Variants in PRDM1 observed in about 807,000 individuals in gnomAD.
PRDM1 encodes the protein PR/SET domain 1.
Under a neutral mutation model 62.8 loss-of-function variants are expected in PRDM1, and 13 were observed. That is an observed-to-expected ratio of 0.21 (90% CI 0.13 to 0.33). The LOEUF (loss-of-function observed/expected upper bound fraction) is 0.33. PRDM1 is among the 10% of genes least tolerant of loss of function. The pLI is 1.00. For missense variants in PRDM1, 895 were observed against 1,058.8 expected, an observed-to-expected ratio of 0.85 and a Z score of 2.15; for synonymous variants, 396 against 417.6, an observed-to-expected ratio of 0.95 and a Z score of 0.63.
At chr6:106,054,249 T>C (rs1773228827) in intron 1 of PRDM1, among the ~76,000 whole-genome samples, 1 of 150,374 alleles carries the variant, frequency 6.7e-6, no homozygotes, top group Admixed American at 6.6e-5. Context: ...AACTCAGGTA[T>C]TTTACAAAAT....
chr6:106,032,011 G>A (rs1772850337), intron 1 of PRDM1, among the ~76,000 whole-genome samples: 3 of 152,120 alleles, frequency 2.0e-5, no homozygotes, highest in Non-Finnish European at 2.9e-5. Context: ...TCTGCAATTA[G>A]TATATGTTGT....
chr6:106,028,373 A>G (rs899910731), intron 1 of PRDM1, among the ~76,000 whole-genome samples: 8 of 152,232 alleles, frequency 5.3e-5, no homozygotes, highest in African/African-American at 1.9e-4. Context: ...AGGTAATGCA[A>G]CTAAGAATTA....
chr6:106,086,544 C>G lies in PRDM1; in HGVS notation c.-10C>G, dbSNP rs17486714. 0.013 allele frequency: 20,476 copies of G among 1,551,168 alleles called. 195 individuals carry two copies. Among genetic ancestry groups the G allele is most frequent in the Non-Finnish European group, 0.016 (18,551 of 1,146,104 alleles). On this transcript the variant is annotated 5_prime_UTR_variant, in exon 1 of 7. Coordinates refer to ENST00000369096, the MANE Select transcript of PRDM1 (RefSeq NM_001198.4). The stretch of plus-strand genomic sequence containing the variant: ...GTGGACTGGGTAGAGATGAACGAGA[C>G]TTTTCTCAGATGTTGGATATTTGCT...
chr6:106,086,585 G>T lies in PRDM1; in HGVS notation c.32G>T (p.Gly11Val). 1 of 1,551,738 alleles carries T rather than the reference G, an allele frequency of 6.4e-7. No homozygotes were observed. The highest frequency in any genetic ancestry group is 8.7e-7 in the Non-Finnish European group (1 of 1,146,546). ...GATATTTGCTTGGAAAAACGTGTGG[G>T]TACGACCTTGGTAAGGAACTTGAAT... MLDICLEKRVGTTLAAPKCNS... is the reference protein window; with the variant it reads MLDICLEKRVVTTLAAPKCNS... The change falls in exon 1 of 7, where the codon GGT becomes GTT. Residue 11 changes from glycine (G) to valine (V), a missense_variant. Coordinates refer to ENST00000369096, the MANE Select transcript of PRDM1 (RefSeq NM_001198.4).
In PRDM1 at chr6:106,107,354, T is replaced by C. The variant is rs1309480314; in HGVS notation, c.2346T>C (p.Asn782=). ...LKVSLQRNMG[N]GLLSSGCSLY... ...TGTCTTTGCAAAGAAACATGGGGAA[T>C]GGACTCCTCTCCTCAGGGTGCAGCC... The change falls in exon 7 of 7, where the codon AAT becomes AAC. Residue 782 remains asparagine (N), a synonymous_variant. Transcript: ENST00000369096. 5 of 1,613,998 alleles carry C rather than the reference T, an allele frequency of 3.1e-6. No individual in the cohort carries two copies. In the Admixed American group the frequency reaches 5.0e-5, roughly 16 times the overall value.
chr6:106,099,736 A>T, intron 4 of PRDM1, 184 bp downstream of exon 4: 1 of 728,758 alleles, frequency 1.4e-6, no homozygotes, highest in South Asian at 2.0e-5. Context: ...AGGAAACTTG[A>T]TCATTTAAAA....
chr6:106,095,792 G>GA, intron 3 of PRDM1, 58 bp downstream of exon 3: 1 of 1,583,370 alleles, frequency 6.3e-7, no homozygotes. Context: ...GGAGCTAAAA[G>GA]AGCTGGGTGG....
chr6:106,093,192 A>G (rs183021542), intron 2 of PRDM1, among the ~76,000 whole-genome samples: 55 of 152,330 alleles, frequency 3.6e-4, no homozygotes, highest in African/African-American at 1.3e-3. Context: ...GTTGTGCTCA[A>G]ATAGGTATTG....
intron 1 of PRDM1, among the ~76,000 whole-genome samples, chr6:106,064,453 G>A (rs969108893): frequency 2.6e-5 from 4 of 152,160 alleles, no homozygotes; most frequent in African/African-American, 9.6e-5. Context: ...GCCTTGAAGA[G>A]GATTTGCCAA....
At chr6:106,097,723 A>C (rs1774148656) in intron 3 of PRDM1, among the ~76,000 whole-genome samples, 1 of 152,234 alleles carries the variant, frequency 6.6e-6, no homozygotes, top group Non-Finnish European at 1.5e-5. Context: ...GGATACAGTA[A>C]ATTGCAGTCC....
At chr6:106,060,561 G>T (rs1773330515) in intron 1 of PRDM1, among the ~76,000 whole-genome samples, 1 of 152,140 alleles carries the variant, frequency 6.6e-6, no homozygotes, top group South Asian at 2.1e-4. Flanking sequence ...TATATACAAG[G>T]AAGGATGGAT....
At chr6:106,026,727 T>C (rs1376702093) in intron 1 of PRDM1, among the ~76,000 whole-genome samples, 1 of 152,144 alleles carries the variant, frequency 6.6e-6, no homozygotes, top group Admixed American at 6.5e-5. Flanking sequence ...TCCTGTCTTA[T>C]ATAGAAAGTT....
upstream of PRDM1, among the ~76,000 whole-genome samples, chr6:106,083,973 A>T (rs1223041586): frequency 6.6e-6 from 1 of 152,160 alleles, no homozygotes; most frequent in Non-Finnish European, 1.5e-5. Context: ...AGTCCCTTTT[A>T]TTCCCCCTTA....
At chr6:106,020,129 G>C (rs1406609879) in intron 1 of PRDM1, among the ~76,000 whole-genome samples, 1 of 149,084 alleles carries the variant, frequency 6.7e-6, no homozygotes, top group Non-Finnish European at 1.5e-5. Flanking sequence ...TTGGGAGGCT[G>C]AGGCAGAAGA....
intron 1 of PRDM1, among the ~76,000 whole-genome samples, chr6:106,076,075 C>T (rs1444977732): frequency 6.6e-6 from 1 of 152,064 alleles, no homozygotes; most frequent in African/African-American, 2.4e-5. Flanking sequence ...CCTCAGCCTC[C>T]CGAGTAGCTG....
intron 1 of PRDM1, among the ~76,000 whole-genome samples, chr6:106,060,938 G>C (rs969613760): frequency 1.3e-5 from 2 of 152,116 alleles, no homozygotes; most frequent in African/African-American, 4.8e-5. Context: ...AGGAGATCTG[G>C]GGATGATGGC....
In PRDM1 at chr6:106,107,996, A is replaced by G. The variant is rs56273375; in HGVS notation, c.*510A>G. On this transcript the variant is annotated 3_prime_UTR_variant, in exon 7 of 7. Transcript: ENST00000369096. ...TTTCTGCACATCTGTATAAGTACCT[A>G]AGATTTAGTTAAACAAATATATGAC... 8.2e-4 allele frequency: 191 copies of G among 232,798 alleles called. 1 individual carries two copies. The highest frequency in any genetic ancestry group is 4.0e-3 in the African/African-American group (182 of 45,394). The allele number at this position is 232,798 out of a possible 1,614,324, so 14.4% of individuals were successfully genotyped here.
intron 1 of PRDM1, among the ~76,000 whole-genome samples, chr6:106,025,840 G>A (rs1772756824): frequency 6.6e-6 from 1 of 152,188 alleles, no homozygotes; most frequent in Non-Finnish European, 1.5e-5. Context: ...GTTTAGTCAT[G>A]GAGAGTAATA....
At chr6:106,086,328 A>G (rs569138315), upstream of PRDM1, 39 of 447,756 alleles carry the variant, frequency 8.7e-5, no homozygotes, top group South Asian at 2.0e-3. Context: ...AGGGGAAGCC[A>G]GACGGTTAAC....
Sources: gnomAD v4.1 joint callset for allele counts (sites outside exome capture counted in the v4.1 genomes callset) on GRCh38, gnomAD v4.1.1 for gene constraint, MANE v1.5 for transcripts, NCBI Gene and HGNC (gene_info 2026-07-23, HGNC 2026-07-21) for gene names.